NFE2L3: variants seen among roughly 807,000 people sequenced by gnomAD.
NFE2L3 encodes the protein NFE2 like bZIP transcription factor 3.
In NFE2L3, 18 loss-of-function variants were observed where a neutral mutation model predicts 23.5. That is an observed-to-expected ratio of 0.77 (90% CI 0.53 to 1.13). NFE2L3 has a LOEUF of 1.13. Ranked by LOEUF, NFE2L3 falls within the 50% of genes most tolerant of loss-of-function variation. The pLI is 0.00. For synonymous variants in NFE2L3, 424 were observed against 354.5 expected (o/e 1.20, Z -2.20); for missense variants, 1,152 against 877.2 (o/e 1.31, Z -3.96).
chr7:26,170,315 A>G lies in NFE2L3; in HGVS notation c.571-7628A>G, dbSNP rs370637437. 3.5e-4 allele frequency among the ~76,000 whole-genome samples: 54 copies of G among 152,314 alleles called. No homozygotes were observed. In the South Asian group the frequency reaches 0.011, roughly 32 times the overall value. The stretch of plus-strand genomic sequence containing the variant: ...TGGCTCTTTCAGTTGCTCATCTTTA[A>G]GAGCAGGCAGGCACTCTAACATTTC... On this transcript the variant is annotated intron_variant, in intron 1 of 3. Transcript: ENST00000056233.
intron 1 of NFE2L3, among the ~76,000 whole-genome samples, chr7:26,177,567 A>G (rs1784436450): frequency 6.6e-6 from 1 of 152,224 alleles, no homozygotes; most frequent in South Asian, 2.1e-4. Context: ...AGTAGAGTCC[A>G]GGCTCAGCAA....
chr7:26,180,163 C>G (rs1784480893), intron 2 of NFE2L3, among the ~76,000 whole-genome samples: 1 of 152,150 alleles, frequency 6.6e-6, no homozygotes, highest in Non-Finnish European at 1.5e-5. Context: ...AAACAGGACA[C>G]TAAGCTTCTG....
intron 3 of NFE2L3, chr7:26,184,050 G>A (rs1288517174): frequency 4.3e-6 from 2 of 470,268 alleles, no homozygotes; most frequent in East Asian, 3.8e-5. Flanking sequence ...TTTATCCAAA[G>A]GAAAGGAAAT....
rs1388524454 is a variant in NFE2L3 at position 26,153,057 on chromosome 7, T to C, written c.559T>C (p.Cys187Arg). Residue 187 changes from cysteine (C) to arginine (R), a missense_variant, in exon 1 of 4, where the codon TGT becomes CGT. Coordinates refer to ENST00000056233, the MANE Select transcript of NFE2L3 (RefSeq NM_004289.7). The stretch of plus-strand genomic sequence containing the variant: ...GGCTCAGGTGCCGGACGCTGGCGGA[T>C]GTGCGAGCGAGGTAGGTGCAGAGCG... ...PTAQVPDAGG[C>R]ASEENGVLRE... The C allele has an allele frequency of 3.9e-6, 6 of 1,526,132 alleles. No homozygotes were observed. In the East Asian group the frequency reaches 1.6e-4, roughly 40 times the overall value. The allele number at this position is 1,526,132 out of a possible 1,614,324, so 94.5% of individuals were successfully genotyped here. A position where few individuals can be genotyped will look rare whatever the true frequency, so the allele number is the denominator to read the frequency against.
intron 1 of NFE2L3, among the ~76,000 whole-genome samples, chr7:26,161,874 G>A (rs1314535387): frequency 6.6e-6 from 1 of 152,082 alleles, no homozygotes; most frequent in Non-Finnish European, 1.5e-5. Context: ...CAGGCGCAGT[G>A]GCTCTTGCCT....
At chr7:26,182,720 A>G (rs925843311) in intron 2 of NFE2L3, among the ~76,000 whole-genome samples, 15 of 151,894 alleles carry the variant, frequency 9.9e-5, no homozygotes, top group Non-Finnish European at 4.4e-5. Context: ...AGGCTAAAGC[A>G]TAAAGGCCAG....
chr7:26,171,410 G>C (rs1201122104), intron 1 of NFE2L3, among the ~76,000 whole-genome samples: 1 of 152,096 alleles, frequency 6.6e-6, no homozygotes, highest in African/African-American at 2.4e-5. Flanking sequence ...TGGGTGTGGT[G>C]GCAGGCACCT....
At chr7:26,173,550 T>C (rs1784356606) in intron 1 of NFE2L3, 1 of 152,244 alleles carries the variant, frequency 6.6e-6, no homozygotes, top group Non-Finnish European at 1.5e-5. Context: ...TCCAAAGTTT[T>C]TAATTTAATT....
rs776757270 is a variant in NFE2L3 at position 26,185,321 on chromosome 7, TGCTAAA to T, written c.1627_1632del (p.Lys543_Ala544del). On this transcript the variant is annotated inframe_deletion, in exon 4 of 4. Transcript: ENST00000056233. ...GAAACTTGAGCCGTGATGAACAGCG[TGCTAAA>T]GCTTTGCATATCCCTTTTTCTGTAG... 7.4e-5 allele frequency: 120 copies of T among 1,614,144 alleles called. No individual in the cohort carries two copies. In the South Asian group the frequency reaches 1.1e-3, roughly 15 times the overall value.
At chr7:26,154,813 T>G (rs1453338214) in intron 1 of NFE2L3, among the ~76,000 whole-genome samples, 2 of 152,190 alleles carry the variant, frequency 1.3e-5, no homozygotes, top group Non-Finnish European at 2.9e-5. Context: ...AGTGCTGGGT[T>G]TACAGGCATG....
chr7:26,183,588 G>A lies in NFE2L3; in HGVS notation c.751-113G>A, dbSNP rs1490441682. ...GAACTTCCAACCAAGGAACATAATA[G>A]CATAAAAATCCAGTGTGGAAATAAT... On this transcript the variant is annotated intron_variant, in intron 2 of 3. Coordinates refer to ENST00000056233, the MANE Select transcript of NFE2L3 (RefSeq NM_004289.7). 9 of 684,974 alleles carry A rather than the reference G, an allele frequency of 1.3e-5. No homozygotes were observed. The South Asian group carries it at 1.4e-4, about 11-fold the overall frequency. The allele number at this position is 684,974 out of a possible 1,614,324, so 42.4% of individuals were successfully genotyped here.
chr7:26,185,162 T>C lies in NFE2L3; in HGVS notation c.1464T>C (p.Asp488=), dbSNP rs542769938. ...AAAGTGATTCTGATTTCCATGGAGATCTTACATTTCAACACGTATTTCATA... is the reference window on the plus strand; with the variant it reads ...AAAGTGATTCTGATTTCCATGGAGACCTTACATTTCAACACGTATTTCATA... The part of the protein sequence containing the change: ...LDQSDSDFHG[D]LTFQHVFHNH... Residue 488 remains aspartate, a synonymous_variant, in exon 4 of 4, where the codon GAT becomes GAC. Transcript: ENST00000056233. 2 of 1,613,846 alleles carry C rather than the reference T, an allele frequency of 1.2e-6. No homozygotes were observed. Among genetic ancestry groups the C allele is most frequent in the South Asian group, 1.1e-5 (1 of 91,064 alleles).
intron 1 of NFE2L3, among the ~76,000 whole-genome samples, chr7:26,177,293 C>T (rs1475244151): frequency 1.3e-5 from 2 of 152,198 alleles, no homozygotes; most frequent in African/African-American, 4.8e-5. Context: ...TGCCACTGCA[C>T]TCCAGCCTGG....
In NFE2L3 at chr7:26,170,908, C is replaced by T. The variant is rs114164038; in HGVS notation, c.571-7035C>T. Among the ~76,000 whole-genome samples the T allele has an allele frequency of 5.4e-3, 821 of 152,138 alleles. 8 individuals are homozygous for T. Among genetic ancestry groups the T allele is most frequent in the African/African-American group, 0.019 (787 of 41,522 alleles). ...GACCCTTATCTCTACAAAAAGTAAA[C>T]ATTAGCCAGGCATGGTGGCATGTTT... On this transcript the variant is annotated intron_variant, in intron 1 of 3. Coordinates refer to ENST00000056233, the MANE Select transcript of NFE2L3 (RefSeq NM_004289.7).
At chr7:26,183,640 CTA>C in intron 2 of NFE2L3, 59 bp from the exon 3 acceptor site, 1 of 1,026,688 alleles carries the variant, frequency 9.7e-7, no homozygotes, top group South Asian at 1.3e-5. Flanking sequence ...AAGATAAAGC[CTA>C]AAGCCCCAAC....
At position 26,185,550 on chromosome 7, in the gene NFE2L3, G is replaced by A. The variant is rs761143940; in HGVS notation, c.1852G>A (p.Glu618Lys). 4 of 1,613,714 alleles carry A rather than the reference G, an allele frequency of 2.5e-6. No individual in the cohort carries two copies. The Admixed American group carries it at 5.0e-5, about 20-fold the overall frequency. ...TGTATGTAACTTGCAAGCAAAGAAGGAAACTCTTAAGAGAGAGCAAGCACA... is the reference window on the plus strand; with the variant it reads ...TGTATGTAACTTGCAAGCAAAGAAGAAAACTCTTAAGAGAGAGCAAGCACA... ...DDVCNLQAKK[E>K]TLKREQAQCN... The change falls in exon 4 of 4, where the codon GAA becomes AAA. Residue 618 changes from glutamate (E) to lysine (K), a missense_variant. Coordinates refer to ENST00000056233, the MANE Select transcript of NFE2L3 (RefSeq NM_004289.7).
intron 1 of NFE2L3, among the ~76,000 whole-genome samples, chr7:26,162,456 G>T (rs1409610895): frequency 2.0e-5 from 3 of 151,964 alleles, no homozygotes; most frequent in African/African-American, 4.8e-5. Flanking sequence ...TCTGTATTCT[G>T]TTTACGTATG....
chr7:26,166,678 AATT>A (rs1300670367), intron 1 of NFE2L3, among the ~76,000 whole-genome samples: 1 of 152,196 alleles, frequency 6.6e-6, no homozygotes, highest in Non-Finnish European at 1.5e-5. Context: ...CACAAGCTGG[AATT>A]ATTACAAACC....
Position 26,152,810 on chromosome 7 carries a change from T to G in NFE2L3, c.312T>G (p.Pro104=), listed in dbSNP as rs1562666905. 3 of 1,487,726 alleles carry G rather than the reference T, an allele frequency of 2.0e-6. No homozygotes were observed. Among genetic ancestry groups the G allele is most frequent in the Middle Eastern group, 2.4e-4 (1 of 4,236 alleles). 92.2% of individuals were successfully genotyped at this position (1,487,726 alleles called of 1,614,324 possible). The part of the protein sequence containing the change: ...EVRALGVPFV[P]RTSVDAWLVH... ...GCGCGCTCGGGGTCCCCTTCGTCCC[T>G]CGCACCAGCGTGGATGCATGGCTGG... Residue 104 remains proline (P), a synonymous_variant, in exon 1 of 4, where the codon CCT becomes CCG. Coordinates refer to ENST00000056233, the MANE Select transcript of NFE2L3 (RefSeq NM_004289.7). This position sits in a 1 kb window ranked among gnomAD's most constrained non-coding sequence, Gnocchi z 4.4.
Sources: gnomAD v4.1 joint callset for allele counts (sites outside exome capture counted in the v4.1 genomes callset) on GRCh38, gnomAD v4.1.1 for gene constraint, Gnocchi (gnomAD v3.1) non-coding constraint, MANE v1.5 for transcripts, NCBI Gene and HGNC (gene_info 2026-07-23, HGNC 2026-07-21) for gene names.